The following TLN2 variants were observed in gnomAD, a reference collection of about 807,000 sequenced individuals.
TLN2 encodes the protein talin 2.
TLN2 carries 118 observed loss-of-function variants against 294.7 expected under a neutral mutation model. The ratio of observed to expected loss-of-function variants is 0.40; its 90% CI spans 0.34 to 0.47. The LOEUF (loss-of-function observed/expected upper bound fraction) is 0.47. TLN2 is among the 20% of genes least tolerant of loss of function. The pLI is 0.84. For synonymous variants in TLN2, 1,431 were observed against 1,304.5 expected (o/e 1.10, Z -2.09); for missense variants, 3,083 against 3,282.2 (o/e 0.94, Z 1.48).
At position 62,462,407 on chromosome 15, in the gene TLN2, G is replaced by T. The variant is rs190562085; in HGVS notation, c.-238+71722G>T. On this transcript the variant is annotated intron_variant, in intron 1 of 58. Coordinates refer to ENST00000636159, the MANE Select transcript of TLN2 (RefSeq NM_015059.3). ...GCCCCCTGCCTGGGTCTTCTGAAAG[G>T]CCCGTGGGCTGTCCACTTGAGGAAA... 2.6e-5 allele frequency among the ~76,000 whole-genome samples: 4 copies of T among 152,290 alleles called. No individual in the cohort carries two copies. In the East Asian group the frequency reaches 7.7e-4, roughly 29 times the overall value.
chr15:62,630,676 C>T (rs1242848670), intron 3 of TLN2, among the ~76,000 whole-genome samples: 1 of 151,736 alleles, frequency 6.6e-6, no homozygotes, highest in African/African-American at 2.4e-5. Context: ...TGATGCATGA[C>T]CTGGTGATTT....
intron 52 of TLN2, among the ~76,000 whole-genome samples, chr15:62,818,877 A>G (rs1259471124): frequency 6.6e-6 from 1 of 151,534 alleles, no homozygotes; most frequent in Non-Finnish European, 1.5e-5. Flanking sequence ...TATTTTAAAG[A>G]CTGACTCAAT....
chr15:62,401,664 G>A (rs535310581), intron 1 of TLN2, among the ~76,000 whole-genome samples: 1 of 152,300 alleles, frequency 6.6e-6, no homozygotes, highest in African/African-American at 2.4e-5. Context: ...ACAGTCCTCT[G>A]AGTCACCTTG....
chr15:62,758,868 C>G (rs1243947711), intron 37 of TLN2, among the ~76,000 whole-genome samples: 2 of 152,162 alleles, frequency 1.3e-5, no homozygotes, highest in Admixed American at 1.3e-4. Flanking sequence ...TGTCACTTTC[C>G]AGGTGCTGGT....
chr15:62,404,967 G>A (rs1227285984), intron 1 of TLN2, among the ~76,000 whole-genome samples: 1 of 152,152 alleles, frequency 6.6e-6, no homozygotes, highest in African/African-American at 2.4e-5. Context: ...ATGTCTGTGT[G>A]GGAAAACTCA....
At chr15:62,783,706 C>T in intron 44 of TLN2, 65 bp from the exon 45 acceptor site, 1 of 1,485,264 alleles carries the variant, frequency 6.7e-7, no homozygotes, top group Non-Finnish European at 9.0e-7. Context: ...ACACATGGTT[C>T]TCATGCGTTT....
At chr15:62,779,645 C>T (rs1344797894) in intron 43 of TLN2, among the ~76,000 whole-genome samples, 4 of 152,244 alleles carry the variant, frequency 2.6e-5, no homozygotes, top group African/African-American at 9.6e-5. Context: ...AGTGATGTCA[C>T]ATCTCACATG....
rs2051996668 is a variant in TLN2 at position 62,647,305 on chromosome 15, A to G, written c.-6A>G. Reference sequence around the variant, plus strand: ...CTAAGTGAGACTGTCCACATCATCTAGGAAAATGGTGGCCCTGTCCTTAAA... The same window carrying G: ...CTAAGTGAGACTGTCCACATCATCTGGGAAAATGGTGGCCCTGTCCTTAAA... On this transcript the variant is annotated 5_prime_UTR_variant, in exon 4 of 59. Coordinates refer to ENST00000636159, the MANE Select transcript of TLN2 (RefSeq NM_015059.3). 3 of 1,613,822 alleles carry G rather than the reference A, an allele frequency of 1.9e-6. No homozygotes were observed. The highest frequency in any genetic ancestry group is 2.5e-6 in the Non-Finnish European group (3 of 1,179,900).
At chr15:62,782,688 A>G (rs2064284733) in intron 44 of TLN2, among the ~76,000 whole-genome samples, 1 of 152,224 alleles carries the variant, frequency 6.6e-6, no homozygotes, top group Admixed American at 6.5e-5. Flanking sequence ...ACTCTCGTGC[A>G]GCTCAGTGTG....
At chr15:62,603,679 A>G (rs909282830) in intron 2 of TLN2, among the ~76,000 whole-genome samples, 6 of 152,354 alleles carry the variant, frequency 3.9e-5, no homozygotes, top group African/African-American at 1.4e-4. Context: ...ACAAAGCAGG[A>G]TGTCTACAGA....
At chr15:62,766,018 C>T (rs948471416) in intron 40 of TLN2, among the ~76,000 whole-genome samples, 1 of 152,180 alleles carries the variant, frequency 6.6e-6, no homozygotes, top group African/African-American at 2.4e-5. Flanking sequence ...ATGACTGTTC[C>T]GCATGTCTAC....
intron 52 of TLN2, among the ~76,000 whole-genome samples, chr15:62,813,135 T>C (rs530485609): frequency 6.6e-6 from 1 of 152,310 alleles, no homozygotes; most frequent in South Asian, 2.1e-4. Context: ...AGATTGCACT[T>C]TGTGGCCAGA....
chr15:62,666,988 T>C lies in TLN2; in HGVS notation c.789-6839T>C, dbSNP rs528997573. Among the ~76,000 whole-genome samples the C allele has an allele frequency of 1.0e-3, 154 of 152,294 alleles. No individual in the cohort carries two copies. In the South Asian group the frequency reaches 0.012, roughly 12 times the overall value. On this transcript the variant is annotated intron_variant, in intron 9 of 58. Transcript: ENST00000636159. Reference sequence around the variant, plus strand: ...TTCTTTTTCTTTTTCTTTTTTGAGATGGAGTCTCGCTCTGTCGCCCAGGCT... The same window carrying C: ...TTCTTTTTCTTTTTCTTTTTTGAGACGGAGTCTCGCTCTGTCGCCCAGGCT...
chr15:62,428,299 A>G (rs1005161869), intron 1 of TLN2, among the ~76,000 whole-genome samples: 25 of 152,334 alleles, frequency 1.6e-4, no homozygotes, highest in African/African-American at 5.8e-4. Flanking sequence ...CTGACCTGCA[A>G]CTTGAGTCCA....
At chr15:62,432,308 A>T (rs1181048847) in intron 1 of TLN2, among the ~76,000 whole-genome samples, 3 of 152,198 alleles carry the variant, frequency 2.0e-5, no homozygotes. Context: ...CAAAGAACAG[A>T]CATTTATTTG....
At chr15:62,561,280 G>A (rs2042934157) in intron 1 of TLN2, 1 of 152,192 alleles carries the variant, frequency 6.6e-6, no homozygotes, top group African/African-American at 2.4e-5. Flanking sequence ...TCCAATCTCT[G>A]GTCTGATTAC....
intron 1 of TLN2, among the ~76,000 whole-genome samples, chr15:62,457,436 C>T (rs75237940): frequency 0.013 from 1,996 of 152,300 alleles, 12 homozygotes; most frequent in Middle Eastern, 0.037. Context: ...TTTGGAGGGA[C>T]ATGATTGAGT....
intron 1 of TLN2, among the ~76,000 whole-genome samples, chr15:62,506,545 G>T (rs781771101): frequency 3.3e-5 from 5 of 152,236 alleles, no homozygotes; most frequent in Non-Finnish European, 7.3e-5. Context: ...CCTGCCAGGA[G>T]ATCCTTTAGT....
chr15:62,646,355 G>A (rs115192143), intron 3 of TLN2, among the ~76,000 whole-genome samples: 1,635 of 152,102 alleles, frequency 0.011, 27 homozygotes, highest in African/African-American at 0.038. Flanking sequence ...TAGAGACCGT[G>A]TTTCACCATG....
Sources: allele counts gnomAD v4.1 joint callset (sites outside exome capture counted in the v4.1 genomes callset), GRCh38; gene constraint gnomAD v4.1.1; transcripts MANE v1.5; gene names NCBI Gene and HGNC (gene_info 2026-07-23, HGNC 2026-07-21).